The following BAZ1A variants were observed in gnomAD, a reference collection of about 807,000 sequenced individuals.
The protein encoded by BAZ1A is bromodomain adjacent to zinc finger domain 1A.
In BAZ1A, 50 loss-of-function variants were observed where a neutral mutation model predicts 185.2. That is an observed-to-expected ratio of 0.27 (90% CI 0.22 to 0.34). The LOEUF (loss-of-function observed/expected upper bound fraction) is 0.34, where lower values mean the gene tolerates loss of function less well. Among genes scored for constraint, BAZ1A ranks in the 10% least tolerant of loss-of-function variants. BAZ1A has a pLI of 1.00. For synonymous variants in BAZ1A, 571 were observed against 615.6 expected, an observed-to-expected ratio of 0.93 and a Z score of 1.07; for missense variants, 1,356 against 1,839.9, an observed-to-expected ratio of 0.74 and a Z score of 4.81.
intron 18 of BAZ1A, among the ~76,000 whole-genome samples, chr14:34,775,489 C>T (rs986359664): frequency 3.9e-5 from 6 of 152,086 alleles, no homozygotes; most frequent in South Asian, 2.1e-4. Flanking sequence ...TGCTGCTATC[C>T]GACCTGCCCT....
chr14:34,788,945 G>A (rs1880672214), intron 12 of BAZ1A, among the ~76,000 whole-genome samples: 1 of 152,168 alleles, frequency 6.6e-6, no homozygotes, highest in African/African-American at 2.4e-5. Context: ...AGGCAGCTCT[G>A]GGATCGTATC....
intron 3 of BAZ1A, among the ~76,000 whole-genome samples, chr14:34,828,955 T>C (rs184378350): frequency 7.9e-5 from 12 of 152,336 alleles, no homozygotes; most frequent in Admixed American, 7.2e-4. Context: ...TCTGCATCTG[T>C]ACCTGCTCTG....
chr14:34,826,214 T>C, intron 3 of BAZ1A, 58 bp from the exon 4 acceptor site: 1 of 1,553,106 alleles, frequency 6.4e-7, no homozygotes. Context: ...CAGCCAAACA[T>C]GTCAGAGCAA....
At chr14:34,860,518 T>TAAAAAA (rs397852116) in intron 3 of BAZ1A, among the ~76,000 whole-genome samples, 1 of 70,608 alleles carries the variant, frequency 1.4e-5, no homozygotes, top group Non-Finnish European at 2.5e-5. Context: ...TACCAAAAGT[T>TAAAAAA]AAAAAAAAAA....
At chr14:34,783,732 A>G (rs1880211196) in intron 15 of BAZ1A, 30 bp downstream of exon 15, 14 of 1,593,438 alleles carry the variant, frequency 8.8e-6, no homozygotes, top group South Asian at 1.1e-5. Flanking sequence ...AACAGCTTTC[A>G]TTAACACAAC....
intron 16 of BAZ1A, among the ~76,000 whole-genome samples, chr14:34,782,640 A>C (rs560451816): frequency 6.6e-6 from 1 of 152,352 alleles, no homozygotes; most frequent in South Asian, 2.1e-4. Flanking sequence ...CACAAGTATT[A>C]AAAAGTCAAA....
intron 2 of BAZ1A, among the ~76,000 whole-genome samples, chr14:34,873,455 CTTGGGATAAAT>C (rs1459076900): frequency 1.3e-5 from 2 of 152,216 alleles, no homozygotes; most frequent in Non-Finnish European, 2.9e-5. Flanking sequence ...GACTAGATCT[CTTGGGATAAAT>C]TAAGCGACGG....
At chr14:34,840,749 T>C (rs2042400317) in intron 3 of BAZ1A, among the ~76,000 whole-genome samples, 1 of 147,206 alleles carries the variant, frequency 6.8e-6, no homozygotes, top group Non-Finnish European at 1.5e-5. Context: ...AGAGTGAGAC[T>C]CTGTCTCCCC....
chr14:34,804,499 G>T (rs1881749958), intron 6 of BAZ1A, among the ~76,000 whole-genome samples: 1 of 152,314 alleles, frequency 6.6e-6, no homozygotes, highest in East Asian at 1.9e-4. Context: ...GGTATTTTGT[G>T]TATAATTATT....
At chr14:34,769,741 C>A (rs1431360152) in intron 21 of BAZ1A, among the ~76,000 whole-genome samples, 2 of 152,112 alleles carry the variant, frequency 1.3e-5, no homozygotes, top group Non-Finnish European at 2.9e-5. Context: ...TTTATAAAAC[C>A]TGCATGATTT....
chr14:34,823,068 A>G (rs2042110909), intron 4 of BAZ1A, among the ~76,000 whole-genome samples: 1 of 152,176 alleles, frequency 6.6e-6, no homozygotes, highest in African/African-American at 2.4e-5. Flanking sequence ...AAGTTACTAC[A>G]TGGGGCTGGG....
intron 3 of BAZ1A, among the ~76,000 whole-genome samples, chr14:34,851,150 T>C (rs953616981): frequency 6.6e-6 from 1 of 151,832 alleles, no homozygotes; most frequent in Non-Finnish European, 1.5e-5. Context: ...TTGGCCAACG[T>C]AGCGAAATCC....
intron 26 of BAZ1A, among the ~76,000 whole-genome samples, 164 bp from the exon 27 acceptor site, chr14:34,753,868 C>T (rs1318349219): frequency 6.6e-6 from 1 of 152,102 alleles, no homozygotes; most frequent in Non-Finnish European, 1.5e-5. Context: ...TCTGTAATCT[C>T]AGCACTTGGG....
chr14:34,799,535 G>C (rs546085221), intron 9 of BAZ1A, among the ~76,000 whole-genome samples: 1 of 152,220 alleles, frequency 6.6e-6, no homozygotes, highest in African/African-American at 2.4e-5. Flanking sequence ...TAAGGAATAT[G>C]TATCACTGGA....
intron 2 of BAZ1A, among the ~76,000 whole-genome samples, chr14:34,871,931 A>G (rs1359054864): frequency 6.6e-6 from 1 of 152,228 alleles, no homozygotes; most frequent in Non-Finnish European, 1.5e-5. Context: ...TCCAAAGGTC[A>G]GGTTACCATA....
intron 10 of BAZ1A, among the ~76,000 whole-genome samples, chr14:34,795,271 T>C (rs1365731238): frequency 2.6e-5 from 4 of 152,238 alleles, no homozygotes; most frequent in Non-Finnish European, 5.9e-5. Flanking sequence ...GGAACATAAT[T>C]AATCTACCAT....
chr14:34,853,827 A>G (rs560832042), intron 3 of BAZ1A, among the ~76,000 whole-genome samples: 1 of 152,244 alleles, frequency 6.6e-6, no homozygotes, highest in East Asian at 1.9e-4. Context: ...AGTAAATGAG[A>G]CAATAAGAAA....
chr14:34,869,575 A>G (rs533677079), intron 2 of BAZ1A, among the ~76,000 whole-genome samples: 1 of 152,364 alleles, frequency 6.6e-6, no homozygotes, highest in East Asian at 1.9e-4. Context: ...AGGCAGGTCC[A>G]CAAGTTCTTA....
chr14:34,844,452 C>A (rs1006202251), intron 3 of BAZ1A, among the ~76,000 whole-genome samples: 1 of 151,950 alleles, frequency 6.6e-6, no homozygotes, highest in Non-Finnish European at 1.5e-5. Flanking sequence ...CTACCCAAAA[C>A]AACTTACAGA....
Sources: gnomAD v4.1 joint callset for allele counts (sites outside exome capture counted in the v4.1 genomes callset) on GRCh38, gnomAD v4.1.1 for gene constraint, MANE v1.5 for transcripts, NCBI Gene and HGNC (gene_info 2026-07-23, HGNC 2026-07-21) for gene names.